SH3D19: variants seen among roughly 807,000 people sequenced by gnomAD.
The protein encoded by SH3D19 is SH3 domain-containing protein 19.
SH3D19 carries 58 observed loss-of-function variants against 112.1 expected under a neutral mutation model. That is an observed-to-expected ratio of 0.52 (90% CI 0.42 to 0.64). The LOEUF (loss-of-function observed/expected upper bound fraction) is 0.64, where lower values mean the gene tolerates loss of function less well. Among genes scored for constraint, SH3D19 ranks in the 30% least tolerant of loss-of-function variants. The pLI, the probability that SH3D19 is intolerant of heterozygous loss-of-function variation, is 0.00. For missense variants in SH3D19, 1,090 were observed against 1,263.4 expected, an observed-to-expected ratio of 0.86 and a Z score of 2.08; for synonymous variants, 391 against 448.5, an observed-to-expected ratio of 0.87 and a Z score of 1.62.
At chr4:151,322,389 C>T (rs1044336469) in intron 1 of SH3D19, among the ~76,000 whole-genome samples, 21 of 145,802 alleles carry the variant, frequency 1.4e-4, no homozygotes, top group Non-Finnish European at 2.7e-4. Context: ...GCCATGACCA[C>T]GCCACTAGAC....
intron 2 of SH3D19, among the ~76,000 whole-genome samples, chr4:151,188,273 G>A (rs1330529420): frequency 6.6e-6 from 1 of 152,150 alleles, no homozygotes; most frequent in Non-Finnish European, 1.5e-5. Flanking sequence ...ACCTTAAAGC[G>A]AGGACTGTAA....
At chr4:151,316,302 A>G (rs1375531215) in intron 1 of SH3D19, among the ~76,000 whole-genome samples, 1 of 152,170 alleles carries the variant, frequency 6.6e-6, no homozygotes, top group East Asian at 1.9e-4. Context: ...AATCTAAGAA[A>G]CTGTCATAGC....
chr4:151,193,502 C>T (rs985523744), intron 2 of SH3D19, among the ~76,000 whole-genome samples: 14 of 152,130 alleles, frequency 9.2e-5, no homozygotes, highest in Non-Finnish European at 1.9e-4. Context: ...TTCTTTAGAA[C>T]CTGTCTCTTC....
chr4:151,139,802 C>T lies in SH3D19; in HGVS notation c.2269G>A (p.Ala757Thr). 6.2e-7 allele frequency: 1 copy of T among 1,614,180 alleles called. No homozygotes were observed. The highest frequency in any genetic ancestry group is 8.5e-7 in the Non-Finnish European group (1 of 1,180,028). ...GCTGGGAAATCATGAAGAACGACAG[C>T]ATGAGGAGCACCACTGTCAACAGGC... is the stretch of plus-strand genomic sequence containing the variant. ...QKPVDSGAPH[A>T]VVLHDFPAEQ... is the part of the protein sequence containing the mutation. Residue 757 changes from alanine to threonine, a missense_variant, in exon 13 of 20, where the codon GCT (alanine) becomes ACT (threonine). By Grantham distance (58) the Ala-to-Thr change is moderately conservative. Coordinates refer to ENST00000604030, the MANE Select transcript of SH3D19 (RefSeq NM_001378122.1).
intron 2 of SH3D19, among the ~76,000 whole-genome samples, chr4:151,213,283 T>C (rs140978893): frequency 1.3e-5 from 2 of 152,338 alleles, no homozygotes; most frequent in Admixed American, 6.5e-5. Flanking sequence ...TCAAACAGCA[T>C]TGCATGCTGC....
At chr4:151,211,500 G>A (rs550899835) in intron 2 of SH3D19, among the ~76,000 whole-genome samples, 1 of 151,740 alleles carries the variant, frequency 6.6e-6, no homozygotes, top group South Asian at 2.1e-4. Flanking sequence ...GTTAAGTTTA[G>A]TGAGGAAGGC....
intron 1 of SH3D19, among the ~76,000 whole-genome samples, chr4:151,230,141 A>G (rs1032968091): frequency 5.9e-5 from 9 of 152,188 alleles, no homozygotes; most frequent in Admixed American, 1.3e-4. Flanking sequence ...ACTTGGTTCT[A>G]TGTAATCTAG....
chr4:151,144,858 C>G (rs1753658062), intron 11 of SH3D19, among the ~76,000 whole-genome samples: 1 of 152,306 alleles, frequency 6.6e-6, no homozygotes, highest in Non-Finnish European at 1.5e-5. Context: ...GGACCTTGTC[C>G]AGGAGGCTCT....
chr4:151,227,983 T>C (rs1352935892), intron 1 of SH3D19: 3 of 985,322 alleles, frequency 3.0e-6, no homozygotes, highest in Non-Finnish European at 3.6e-6. Context: ...AGATGTGCTA[T>C]GACCAGTCTG....
chr4:151,154,128 ATTTTTTT>A (rs547926242), intron 9 of SH3D19, among the ~76,000 whole-genome samples: 1 of 108,698 alleles, frequency 9.2e-6, no homozygotes, highest in African/African-American at 3.2e-5. Context: ...CACCCGGCTG[ATTTTTTT>A]TTTTTTTTTT....
At chr4:151,144,316 T>G (rs1753550111) in intron 11 of SH3D19, 1 of 1,599,996 alleles carries the variant, frequency 6.3e-7, no homozygotes, top group East Asian at 2.2e-5. Context: ...AAAAGGCTTA[T>G]TCACAATCAA....
chr4:151,292,151 T>C (rs1407078590), intron 1 of SH3D19, among the ~76,000 whole-genome samples: 1 of 152,032 alleles, frequency 6.6e-6, no homozygotes, highest in African/African-American at 2.4e-5. Flanking sequence ...AATAAGAAAT[T>C]AGCCAAGAAT....
intron 1 of SH3D19, among the ~76,000 whole-genome samples, chr4:151,266,509 A>G (rs1181712681): frequency 6.6e-6 from 1 of 152,232 alleles, no homozygotes; most frequent in Non-Finnish European, 1.5e-5. Flanking sequence ...CATATGAAGA[A>G]GAGGTGCCCT....
At chr4:151,301,710 T>TA (rs989608791) in intron 1 of SH3D19, among the ~76,000 whole-genome samples, 11 of 152,124 alleles carry the variant, frequency 7.2e-5, no homozygotes, top group Admixed American at 3.3e-4. Context: ...AACCTCTTTT[T>TA]AAAAGAAATT....
chr4:151,150,208 T>A (rs199526944), intron 9 of SH3D19, among the ~76,000 whole-genome samples: 6,030 of 22,248 alleles, frequency 0.27, 298 homozygotes, highest in East Asian at 0.35. Flanking sequence ...AAAAAAAAAA[T>A]ATATATATAT....
At chr4:151,292,284 G>A (rs1727921507) in intron 1 of SH3D19, among the ~76,000 whole-genome samples, 1 of 151,134 alleles carries the variant, frequency 6.6e-6, no homozygotes, top group Non-Finnish European at 1.5e-5. Flanking sequence ...GGGCAACAGA[G>A]CAAGACCCTG....
At chr4:151,249,161 C>T (rs1444024242) in intron 1 of SH3D19, among the ~76,000 whole-genome samples, 6 of 152,206 alleles carry the variant, frequency 3.9e-5, no homozygotes, top group African/African-American at 1.4e-4. Flanking sequence ...TCAAAACACA[C>T]ATATACTCAT....
rs749373921 is a variant in SH3D19, at chr4:151,175,083, C to A, written c.1121G>T (p.Gly374Val). The A allele has an allele frequency of 6.2e-7, 1 of 1,614,140 alleles. No individual in the cohort carries two copies. Among genetic ancestry groups the A allele is most frequent in the Non-Finnish European group, 8.5e-7 (1 of 1,180,036 alleles). The change falls in exon 7 of 20, where the codon GGA becomes GTA. Residue 374 changes from glycine to valine, a missense_variant. Physicochemically the swap from Gly to Val is moderately radical, Grantham distance 109. Transcript: ENST00000604030. ...LTPYPPLQEAGSIPVTKPELP... is the reference protein window; with the variant it reads ...LTPYPPLQEAVSIPVTKPELP... ...TTCAGGTTTGGTTACTGGGATGCTT[C>A]CCGCTTCTTGCAGGGGAGGGTATGG...
chr4:151,231,317 G>A (rs999431452), intron 1 of SH3D19, among the ~76,000 whole-genome samples: 2 of 151,886 alleles, frequency 1.3e-5, no homozygotes, highest in African/African-American at 4.8e-5. Flanking sequence ...ACCTTAAATG[G>A]TTCCTATATT....
Sources: gnomAD v4.1 joint callset for allele counts (sites outside exome capture counted in the v4.1 genomes callset) on GRCh38, gnomAD v4.1.1 for gene constraint, MANE v1.5 for transcripts, NCBI Gene and HGNC (gene_info 2026-07-23, HGNC 2026-07-21) for gene names.